DIP2A: variants seen among roughly 807,000 people sequenced by gnomAD.
DIP2A encodes DIP2 acetate--CoA ligase A, also known as disco-interacting protein 2 homolog A.
A neutral mutation model predicts 177.4 loss-of-function variants in DIP2A; 85 were observed. That is an observed-to-expected ratio of 0.48 (90% CI 0.40 to 0.57). DIP2A has a LOEUF of 0.57. Ranked by LOEUF, DIP2A falls within the 20% of genes least tolerant of loss-of-function variation. The pLI, the probability that DIP2A is intolerant of heterozygous loss-of-function variation, is 0.00. For synonymous variants in DIP2A, 886 were observed against 881.8 expected (o/e 1.00, Z -0.08); for missense variants, 1,791 against 2,100.2 (o/e 0.85, Z 2.88).
chr21:46,510,071 A>G (rs1573276), intron 7 of DIP2A, among the ~76,000 whole-genome samples: 2,630 of 152,342 alleles, frequency 0.017, 31 homozygotes, highest in Non-Finnish European at 0.028. Flanking sequence ...TATAAAGGGA[A>G]GTTCATTAAG....
chr21:46,496,070 C>T (rs2057342681), intron 3 of DIP2A, among the ~76,000 whole-genome samples: 1 of 150,038 alleles, frequency 6.7e-6, no homozygotes, highest in Admixed American at 6.6e-5. Flanking sequence ...GACTCCATCT[C>T]AAAAAAAAAA....
intron 1 of DIP2A, among the ~76,000 whole-genome samples, chr21:46,465,414 C>G (rs1252666672): frequency 6.7e-6 from 1 of 149,844 alleles, no homozygotes; most frequent in Non-Finnish European, 1.5e-5. Context: ...CTAAATATAA[C>G]AAAAAAAAAA....
At chr21:46,564,652 G>A (rs998013781) in intron 35 of DIP2A, among the ~76,000 whole-genome samples, 10 of 152,172 alleles carry the variant, frequency 6.6e-5, no homozygotes, top group African/African-American at 1.7e-4. Context: ...CAAACCAGGC[G>A]GGCACAGGCA....
chr21:46,567,821 A>C lies in DIP2A; in HGVS notation c.*199A>C, dbSNP rs2060880086. 1.7e-6 allele frequency: 1 copy of C among 583,296 alleles called. No homozygotes were observed. The highest frequency in any genetic ancestry group is 2.7e-6 in the Non-Finnish European group (1 of 371,322). 36.1% of individuals were successfully genotyped at this position (583,296 alleles called of 1,614,324 possible). On this transcript the variant is annotated 3_prime_UTR_variant, in exon 38 of 38. Transcript: ENST00000417564. ...GAAATATTTTGAATCTGCCAAGTAC[A>C]TTTACAAAAACACGGATGCTGGTAT...
chr21:46,566,977 T>A (rs1169608614), intron 37 of DIP2A, among the ~76,000 whole-genome samples: 2 of 152,266 alleles, frequency 1.3e-5, no homozygotes, highest in Non-Finnish European at 2.9e-5. Context: ...CTTGTTTTTT[T>A]ATCTGTTTCC....
At chr21:46,546,860 C>A in intron 20 of DIP2A, 55 bp from the exon 21 acceptor site, 3 of 1,596,438 alleles carry the variant, frequency 1.9e-6, no homozygotes, top group South Asian at 1.1e-5. Context: ...ATGGTCCTGG[C>A]GCATCCAGCT....
rs1200451168 is a variant in DIP2A at position 46,549,702 on chromosome 21, A to T, written c.2523-69A>T. Reference sequence around the variant, plus strand: ...AGGACAGTCTGCCTCTTCCATCGTGAGGGTGAGAATGCATCTGTGTCTTGT... The same window carrying T: ...AGGACAGTCTGCCTCTTCCATCGTGTGGGTGAGAATGCATCTGTGTCTTGT... On this transcript the variant is annotated intron_variant, in intron 21 of 37. Transcript: ENST00000417564. The T allele has an allele frequency of 1.9e-6, 3 of 1,588,882 alleles. No homozygotes were observed. The African/African-American group carries it at 4.0e-5, about 21-fold the overall frequency.
At chr21:46,524,656 A>G (rs375292753) in intron 8 of DIP2A, among the ~76,000 whole-genome samples, 1 of 152,130 alleles carries the variant, frequency 6.6e-6, no homozygotes, top group Non-Finnish European at 1.5e-5. Flanking sequence ...GCAAAGGAGT[A>G]AAAGAATGGC....
chr21:46,476,991 C>G (rs1390854513), intron 1 of DIP2A, among the ~76,000 whole-genome samples: 3 of 152,030 alleles, frequency 2.0e-5, no homozygotes, highest in African/African-American at 4.8e-5. Flanking sequence ...GTTGACGTAC[C>G]CCTGCTAGGC....
In DIP2A at chr21:46,484,664, G is replaced by A. The variant is rs114569409; in HGVS notation, c.92-93G>A. The A allele has an allele frequency of 7.5e-6, 8 of 1,066,494 alleles. No individual in the cohort carries two copies. The African/African-American group carries it at 8.0e-5, about 11-fold the overall frequency. 66.1% of individuals were successfully genotyped at this position (1,066,494 alleles called of 1,614,324 possible). A position where few individuals can be genotyped will look rare whatever the true frequency, so the allele number is the denominator to read the frequency against. On this transcript the variant is annotated intron_variant, in intron 1 of 37. Transcript: ENST00000417564. The stretch of plus-strand genomic sequence containing the variant: ...CCAGACACTTCATGGAAGGACATCA[G>A]TGTTTCCAGTTTTTCAATCATAAAT...
the DIP2A span, among the ~76,000 whole-genome samples, chr21:46,576,569 G>C: frequency 6.6e-6 from 1 of 151,590 alleles, no homozygotes; most frequent in Admixed American, 6.6e-5. Flanking sequence ...ATTGTGAATA[G>C]TGCTGCAATG....
At position 46,490,701 on chromosome 21, in the gene DIP2A, G is replaced by A. The variant is rs746029805; in HGVS notation, c.265G>A (p.Asp89Asn). The A allele has an allele frequency of 7.7e-5, 122 of 1,583,212 alleles. No homozygotes were observed. In the Admixed American group the frequency reaches 2.1e-3, roughly 28 times the overall value. ...GAAGTCTCGGCCCACCGCCTCGAGG[G>A]ATGAGCGCTTCCGGTCAGGTAGGGT... The part of the protein sequence containing the change: ...QQKSRPTASR[D>N]ERFRSDVHTE... The change falls in exon 3 of 38, where the codon GAT becomes AAT. Residue 89 changes from aspartate to asparagine, a missense_variant. By Grantham distance (23) the Asp-to-Asn change is conservative. Transcript: ENST00000417564.
intron 8 of DIP2A, among the ~76,000 whole-genome samples, chr21:46,514,293 G>A (rs147039516): frequency 0.012 from 1,886 of 152,006 alleles, 37 homozygotes; most frequent in African/African-American, 0.043. Flanking sequence ...AAAATTAGCC[G>A]GGCGTGGTGG....
downstream of DIP2A, among the ~76,000 whole-genome samples, chr21:46,573,772 CAT>C (rs2060980218): frequency 6.9e-6 from 1 of 145,300 alleles, no homozygotes; most frequent in African/African-American, 2.6e-5. Context: ...AAATGATGGA[CAT>C]TAATAAAAGA....
intron 1 of DIP2A, among the ~76,000 whole-genome samples, chr21:46,470,184 C>CA (rs1178053519): frequency 1.3e-5 from 2 of 151,182 alleles, no homozygotes; most frequent in Non-Finnish European, 2.9e-5. Context: ...ACTAAAAATA[C>CA]AAAAAATGGG....
chr21:46,561,825 G>A lies in DIP2A; in HGVS notation c.4089+20G>A, dbSNP rs541887684. 108 of 1,613,510 alleles carry A rather than the reference G, an allele frequency of 6.7e-5. No individual in the cohort carries two copies. The East Asian group carries it at 1.8e-3, about 26-fold the overall frequency. On this transcript the variant is annotated intron_variant, in intron 34 of 37. Coordinates refer to ENST00000417564, the MANE Select transcript of DIP2A (RefSeq NM_015151.4). ...GGAAAGGTAGTGGAAACCAAGACGC[G>A]TGCATTCTGAGTCGCGTCTGAGACC...
At chr21:46,491,495 A>C (rs1020695017) in intron 3 of DIP2A, among the ~76,000 whole-genome samples, 1 of 152,264 alleles carries the variant, frequency 6.6e-6, no homozygotes. Flanking sequence ...ATACACATTT[A>C]TAAAAAACTT....
At chr21:46,570,141 C>T (rs1048529258), downstream of DIP2A, among the ~76,000 whole-genome samples, 3 of 152,166 alleles carry the variant, frequency 2.0e-5, no homozygotes, top group Non-Finnish European at 4.4e-5. Flanking sequence ...CCCAGATGCA[C>T]GTTTACACTG....
At position 46,466,650 on chromosome 21, in the gene DIP2A, C is replaced by CT. The variant is rs899497875; in HGVS notation, c.91+7439dup. On this transcript the variant is annotated intron_variant, in intron 1 of 37. Coordinates refer to ENST00000417564, the MANE Select transcript of DIP2A (RefSeq NM_015151.4). ...CCTGAGCCACCACTCCCGGCCACAA[C>CT]TTTTTTTTTTTAAGAGACTCCCCCT... 2.4e-3 allele frequency among the ~76,000 whole-genome samples: 358 copies of CT among 146,366 alleles called. 2 individuals are homozygous for CT. Among genetic ancestry groups the CT allele is most frequent in the African/African-American group, 7.6e-3 (305 of 40,192 alleles).
Sources: gnomAD v4.1 joint callset for allele counts (sites outside exome capture counted in the v4.1 genomes callset) on GRCh38, gnomAD v4.1.1 for gene constraint, MANE v1.5 for transcripts, NCBI Gene and HGNC (gene_info 2026-07-23, HGNC 2026-07-21) for gene names.